The following SETBP1 variants were observed in gnomAD, a reference collection of about 807,000 sequenced individuals.
SETBP1 encodes the protein SET binding protein 1.
A neutral mutation model predicts 101.0 loss-of-function variants in SETBP1; 9 were observed. The ratio of observed to expected loss-of-function variants is 0.09; its 90% CI spans 0.05 to 0.16. The LOEUF (loss-of-function observed/expected upper bound fraction) is 0.16, where lower values mean the gene tolerates loss of function less well. Ranked by LOEUF, SETBP1 falls within the 10% of genes least tolerant of loss-of-function variation. The pLI, the probability that SETBP1 is intolerant of heterozygous loss-of-function variation, is 1.00. For missense variants in SETBP1, 1,858 were observed against 2,033.8 expected (o/e 0.91, Z 1.66); for synonymous variants, 818 against 788.5 (o/e 1.04, Z -0.63).
intron 4 of SETBP1, among the ~76,000 whole-genome samples, chr18:44,993,475 C>A (rs1439213500): frequency 1.3e-5 from 2 of 151,654 alleles, no homozygotes; most frequent in African/African-American, 4.8e-5. Flanking sequence ...TACAGAAAAT[C>A]CTTTTGATAT....
intron 3 of SETBP1, among the ~76,000 whole-genome samples, chr18:44,892,255 C>G (rs2069788559): frequency 6.6e-6 from 1 of 152,146 alleles, no homozygotes; most frequent in Non-Finnish European, 1.5e-5. Flanking sequence ...AGAAGTTGCA[C>G]AAAGGCCTAG....
At chr18:44,963,932 A>G (rs896661603) in intron 4 of SETBP1, among the ~76,000 whole-genome samples, 4 of 149,374 alleles carry the variant, frequency 2.7e-5, no homozygotes, top group Admixed American at 2.0e-4. Flanking sequence ...AGGGTTATAT[A>G]TACTAAAAGT....
At chr18:44,954,334 A>AC (rs2071435615) in intron 4 of SETBP1, among the ~76,000 whole-genome samples, 1 of 147,108 alleles carries the variant, frequency 6.8e-6, no homozygotes, top group Non-Finnish European at 1.5e-5. Context: ...GAAGCTAAAA[A>AC]AAAAAAAAAA....
chr18:44,912,000 A>G (rs2070321689), intron 3 of SETBP1, among the ~76,000 whole-genome samples: 1 of 152,058 alleles, frequency 6.6e-6, no homozygotes, highest in African/African-American at 2.4e-5. Flanking sequence ...ATTAATATAT[A>G]ACAGATATAA....
intron 2 of SETBP1, among the ~76,000 whole-genome samples, chr18:44,775,348 C>T (rs2070976053): frequency 6.6e-6 from 1 of 152,128 alleles, no homozygotes; most frequent in Non-Finnish European, 1.5e-5. Flanking sequence ...CTGCAGTTAG[C>T]AGGATGTAGA....
intron 3 of SETBP1, among the ~76,000 whole-genome samples, chr18:44,914,919 G>A (rs866417510): frequency 2.0e-5 from 3 of 151,988 alleles, no homozygotes; most frequent in Admixed American, 6.6e-5. Context: ...GTAAGCTGTG[G>A]CTTTTAAAAT....
At chr18:44,702,772 A>G (rs2069139864) in intron 2 of SETBP1, among the ~76,000 whole-genome samples, 1 of 152,204 alleles carries the variant, frequency 6.6e-6, no homozygotes, top group Non-Finnish European at 1.5e-5. Context: ...GAGCTGAAAA[A>G]TCATCATTGT....
At chr18:44,883,674 T>G (rs1469821042) in intron 3 of SETBP1, among the ~76,000 whole-genome samples, 2 of 152,224 alleles carry the variant, frequency 1.3e-5, no homozygotes, top group Non-Finnish European at 2.9e-5. Flanking sequence ...GAAGCAATTT[T>G]AAGTGCTTTC....
chr18:44,831,264 C>G (rs2072359915), intron 2 of SETBP1, among the ~76,000 whole-genome samples: 1 of 152,158 alleles, frequency 6.6e-6, no homozygotes, highest in Admixed American at 6.5e-5. Flanking sequence ...ATAATACTTT[C>G]CCTAGAGATT....
intron 4 of SETBP1, among the ~76,000 whole-genome samples, chr18:44,990,630 A>G (rs1161374833): frequency 6.6e-6 from 1 of 151,304 alleles, no homozygotes; most frequent in East Asian, 1.9e-4. Flanking sequence ...AAAAACAAAC[A>G]AACCAAAAAA....
At chr18:44,949,272 A>T (rs1474484276) in intron 3 of SETBP1, among the ~76,000 whole-genome samples, 1 of 152,140 alleles carries the variant, frequency 6.6e-6, no homozygotes, top group Non-Finnish European at 1.5e-5. Context: ...GGCTGTTTTT[A>T]CTGGTTACAG....
chr18:44,818,576 A>G (rs2072034110), intron 2 of SETBP1, among the ~76,000 whole-genome samples: 1 of 151,990 alleles, frequency 6.6e-6, no homozygotes, highest in South Asian at 2.1e-4. Context: ...CCCATCCCCC[A>G]TCCATATTAA....
At chr18:44,939,467 C>T (rs1403111135) in intron 3 of SETBP1, among the ~76,000 whole-genome samples, 3 of 152,104 alleles carry the variant, frequency 2.0e-5, no homozygotes, top group Non-Finnish European at 4.4e-5. Flanking sequence ...TCTTTTCTGC[C>T]TTTGATTGGC....
At chr18:44,794,865 A>C (rs980232900) in intron 2 of SETBP1, among the ~76,000 whole-genome samples, 3 of 152,132 alleles carry the variant, frequency 2.0e-5, no homozygotes, top group Non-Finnish European at 2.9e-5. Context: ...TGAGATTTGT[A>C]TGTGATAATT....
intron 2 of SETBP1, among the ~76,000 whole-genome samples, chr18:44,764,022 G>A (rs1385271366): frequency 4.6e-5 from 7 of 152,120 alleles, no homozygotes; most frequent in African/African-American, 1.4e-4. Flanking sequence ...ACTAATATCC[G>A]TTGTGTTTTC....
At chr18:44,919,681 C>T (rs1321728140) in intron 3 of SETBP1, among the ~76,000 whole-genome samples, 2 of 151,646 alleles carry the variant, frequency 1.3e-5, no homozygotes, top group African/African-American at 2.4e-5. Flanking sequence ...TCCCCATATC[C>T]TCTCTGGTTT....
intron 2 of SETBP1, among the ~76,000 whole-genome samples, chr18:44,846,088 G>A (rs2144555361): frequency 6.6e-6 from 1 of 152,278 alleles, no homozygotes; most frequent in East Asian, 1.9e-4. Context: ...TGTTGCCCAT[G>A]GCTCAATCCT....
At chr18:44,766,633 G>A (rs964234932) in intron 2 of SETBP1, among the ~76,000 whole-genome samples, 5 of 152,100 alleles carry the variant, frequency 3.3e-5, no homozygotes, top group South Asian at 2.1e-4. Flanking sequence ...TGATGGTTGC[G>A]TAACAATGTG....
At chr18:44,887,313 G>T (rs1475029895) in intron 3 of SETBP1, among the ~76,000 whole-genome samples, 1 of 152,114 alleles carries the variant, frequency 6.6e-6, no homozygotes, top group Admixed American at 6.5e-5. Flanking sequence ...GAAGGGAGCT[G>T]AGCACTATGC....
Sources: allele counts gnomAD v4.1 joint callset (sites outside exome capture counted in the v4.1 genomes callset), GRCh38; gene constraint gnomAD v4.1.1; transcripts MANE v1.5; gene names NCBI Gene and HGNC (gene_info 2026-07-23, HGNC 2026-07-21).